DGKB: variants seen among roughly 807,000 people sequenced by gnomAD.
DGKB encodes the protein 90 kDa diacylglycerol kinase.
DGKB carries 67 observed loss-of-function variants against 114.3 expected under a neutral mutation model. The ratio of observed to expected loss-of-function variants is 0.59; its 90% CI spans 0.48 to 0.72. DGKB has a LOEUF of 0.72. Ranked by LOEUF, DGKB falls within the 30% of genes least tolerant of loss-of-function variation. The probability of loss-of-function intolerance (pLI) is 0.00; values close to 1 mark genes in which losing one functional copy is unlikely to be tolerated. For synonymous variants in DGKB, 398 were observed against 323.1 expected, an observed-to-expected ratio of 1.23 and a Z score of -2.49; for missense variants, 907 against 975.2, an observed-to-expected ratio of 0.93 and a Z score of 0.93.
intron 20 of DGKB, among the ~76,000 whole-genome samples, chr7:14,496,997 A>G (rs1394183827): frequency 6.6e-6 from 1 of 151,858 alleles, no homozygotes; most frequent in Non-Finnish European, 1.5e-5. Context: ...ACAATGGAAT[A>G]CTACTCAGCC....
intron 23 of DGKB, among the ~76,000 whole-genome samples, chr7:14,262,933 C>A (rs1796981022): frequency 6.6e-6 from 1 of 151,898 alleles, no homozygotes; most frequent in African/African-American, 2.4e-5. Context: ...TAGCTTGGGC[C>A]ACAATTCTCC....
intron 23 of DGKB, among the ~76,000 whole-genome samples, chr7:14,241,364 G>C (rs1312591375): frequency 6.6e-6 from 1 of 151,838 alleles, no homozygotes; most frequent in Non-Finnish European, 1.5e-5. Flanking sequence ...ATACTGAGCT[G>C]TTTTGACCAG....
At chr7:14,551,870 C>G (rs985814342) in intron 20 of DGKB, among the ~76,000 whole-genome samples, 2 of 152,022 alleles carry the variant, frequency 1.3e-5, no homozygotes, top group Non-Finnish European at 2.9e-5. Context: ...ACTATTGTTA[C>G]TGCAATCTGT....
chr7:14,753,278 A>G (rs1161695815), intron 4 of DGKB, among the ~76,000 whole-genome samples: 3 of 152,198 alleles, frequency 2.0e-5, no homozygotes, highest in Non-Finnish European at 2.9e-5. Context: ...AGTGGCGAAG[A>G]CAATTGATAT....
chr7:14,257,973 T>C (rs561438692), intron 23 of DGKB, among the ~76,000 whole-genome samples: 3 of 152,198 alleles, frequency 2.0e-5, no homozygotes, highest in East Asian at 1.9e-4. Context: ...GGTAATCCAC[T>C]TGCCTCGGCC....
At chr7:14,778,209 G>C (rs1456980385) in intron 2 of DGKB, among the ~76,000 whole-genome samples, 1 of 152,180 alleles carries the variant, frequency 6.6e-6, no homozygotes, top group Non-Finnish European at 1.5e-5. Flanking sequence ...TGCAAGTGGG[G>C]CAAATACATT....
At chr7:14,496,823 T>C (rs1269293299) in intron 20 of DGKB, among the ~76,000 whole-genome samples, 3 of 151,884 alleles carry the variant, frequency 2.0e-5, no homozygotes, top group Non-Finnish European at 4.4e-5. Context: ...TAAAAAATTA[T>C]GTCAGTGATT....
intron 13 of DGKB, among the ~76,000 whole-genome samples, chr7:14,641,778 C>T (rs570388300): frequency 6.6e-6 from 1 of 151,686 alleles, no homozygotes; most frequent in African/African-American, 2.4e-5. Flanking sequence ...ATTTTTAAGA[C>T]TTTTTGTTAG....
At chr7:14,852,681 C>T (rs1849573092) in intron 1 of DGKB, among the ~76,000 whole-genome samples, 1 of 151,952 alleles carries the variant, frequency 6.6e-6, no homozygotes, top group African/African-American at 2.4e-5. Flanking sequence ...TAAAGGATAA[C>T]TCTTTCCTTC....
chr7:14,925,705 T>C (rs920631962), intron 1 of DGKB, among the ~76,000 whole-genome samples: 1 of 152,192 alleles, frequency 6.6e-6, no homozygotes, highest in African/African-American at 2.4e-5. Context: ...ATGTTCATAA[T>C]TAGTATATAC....
intron 23 of DGKB, among the ~76,000 whole-genome samples, chr7:14,329,259 C>G (rs1425702782): frequency 6.6e-6 from 1 of 151,750 alleles, no homozygotes; most frequent in African/African-American, 2.4e-5. Flanking sequence ...TCCTAGCACC[C>G]TTCTTAGAAA....
intron 23 of DGKB, among the ~76,000 whole-genome samples, chr7:14,180,576 A>G (rs374387069): frequency 3.3e-5 from 5 of 152,202 alleles, no homozygotes; most frequent in African/African-American, 1.2e-4. Flanking sequence ...AAAGGCAAAT[A>G]AATACCATAC....
chr7:14,165,196 G>C (rs1584171979), intron 25 of DGKB, among the ~76,000 whole-genome samples: 1 of 152,106 alleles, frequency 6.6e-6, no homozygotes, highest in Non-Finnish European at 1.5e-5. Context: ...TAAAGTGCTA[G>C]GAAAGTTGAC....
intron 2 of DGKB, among the ~76,000 whole-genome samples, chr7:14,789,277 A>G (rs113789847): frequency 6.6e-6 from 1 of 152,160 alleles, no homozygotes; most frequent in Non-Finnish European, 1.5e-5. Flanking sequence ...AAGGTCCTTC[A>G]TGCTGCCCTT....
At chr7:14,303,227 G>T (rs1182238559) in intron 23 of DGKB, among the ~76,000 whole-genome samples, 1 of 152,084 alleles carries the variant, frequency 6.6e-6, no homozygotes, top group Non-Finnish European at 1.5e-5. Context: ...CAAAGTTTTC[G>T]TAATGATACA....
chr7:14,493,925 T>TAC (rs372780599), intron 20 of DGKB, among the ~76,000 whole-genome samples: 9,814 of 137,602 alleles, frequency 0.071, 328 homozygotes, highest in Admixed American at 0.092. Context: ...CATGGTATCA[T>TAC]ACACACACAC....
At chr7:14,215,286 T>A (rs1236116066) in intron 23 of DGKB, among the ~76,000 whole-genome samples, 18 of 152,080 alleles carry the variant, frequency 1.2e-4, no homozygotes, top group Admixed American at 1.2e-3. Flanking sequence ...TCAAGGTGAT[T>A]AATGATGAAC....
intron 13 of DGKB, among the ~76,000 whole-genome samples, chr7:14,657,816 C>T (rs1386957427): frequency 1.3e-5 from 2 of 151,824 alleles, no homozygotes; most frequent in African/African-American, 2.4e-5. Context: ...TCCCACCCTC[C>T]TTGAATTAGC....
chr7:14,590,811 CAT>C (rs1801582901), intron 17 of DGKB, among the ~76,000 whole-genome samples: 1 of 152,064 alleles, frequency 6.6e-6, no homozygotes, highest in Non-Finnish European at 1.5e-5. Context: ...TTACTATTCA[CAT>C]GTTATTACTG....
Sources: gnomAD v4.1 joint callset for allele counts (sites outside exome capture counted in the v4.1 genomes callset) on GRCh38, gnomAD v4.1.1 for gene constraint, MANE v1.5 for transcripts, NCBI Gene and HGNC (gene_info 2026-07-23, HGNC 2026-07-21) for gene names.